EPHA3: variants seen among roughly 807,000 people sequenced by gnomAD.
The protein encoded by EPHA3 is ephrin type-A receptor 3.
In EPHA3, 42 loss-of-function variants were observed where a neutral mutation model predicts 107.1. That is an observed-to-expected ratio of 0.39 (90% confidence interval 0.31 to 0.51). The LOEUF (loss-of-function observed/expected upper bound fraction) is 0.51. Among genes scored for constraint, EPHA3 ranks in the 20% least tolerant of loss-of-function variants. The pLI, the probability that EPHA3 is intolerant of heterozygous loss-of-function variation, is 0.78. For missense variants in EPHA3, 1,183 were observed against 1,211.2 expected, an observed-to-expected ratio of 0.98 and a Z score of 0.35; for synonymous variants, 461 against 424.8, an observed-to-expected ratio of 1.09 and a Z score of -1.05.
At chr3:89,267,401 G>C (rs931113664) in intron 3 of EPHA3, among the ~76,000 whole-genome samples, 1 of 152,090 alleles carries the variant, frequency 6.6e-6, no homozygotes, top group Non-Finnish European at 1.5e-5. Flanking sequence ...GGCTAATTCA[G>C]ATGTTACTCT....
At chr3:89,162,805 G>A (rs1216019066) in intron 2 of EPHA3, among the ~76,000 whole-genome samples, 1 of 152,132 alleles carries the variant, frequency 6.6e-6, no homozygotes, top group African/African-American at 2.4e-5. Context: ...CAAAATCACT[G>A]GATGTGCCAC....
At chr3:89,434,090 TATTATGCCAGAAAA>T (rs1709619978) in intron 13 of EPHA3, among the ~76,000 whole-genome samples, 1 of 152,318 alleles carries the variant, frequency 6.6e-6, no homozygotes, top group East Asian at 1.9e-4. Flanking sequence ...ACAACAATCA[TATTATGCCAGAAAA>T]ATACTTTTAG....
chr3:89,221,668 G>A (rs908406074), intron 3 of EPHA3, among the ~76,000 whole-genome samples: 8 of 152,136 alleles, frequency 5.3e-5, no homozygotes, highest in African/African-American at 1.7e-4. Flanking sequence ...CCTCACCAAA[G>A]CCTTACGAGG....
intron 2 of EPHA3, among the ~76,000 whole-genome samples, chr3:89,191,965 G>A (rs184599346): frequency 6.6e-6 from 1 of 152,228 alleles, no homozygotes; most frequent in African/African-American, 2.4e-5. Context: ...GTCATAAAAT[G>A]GTTAAATAGT....
chr3:89,175,718 C>T (rs1412602025), intron 2 of EPHA3, among the ~76,000 whole-genome samples: 1 of 152,062 alleles, frequency 6.6e-6, no homozygotes, highest in Non-Finnish European at 1.5e-5. Flanking sequence ...AATTAAAATA[C>T]TTCCTAAAAG....
At chr3:89,362,186 C>T (rs756099956) in intron 5 of EPHA3, among the ~76,000 whole-genome samples, 5 of 151,028 alleles carry the variant, frequency 3.3e-5, no homozygotes, top group Admixed American at 6.6e-5. Context: ...GCTATTAATC[C>T]AGAAGATCTT....
At chr3:89,356,424 G>A (rs1707958024) in intron 5 of EPHA3, among the ~76,000 whole-genome samples, 1 of 151,094 alleles carries the variant, frequency 6.6e-6, no homozygotes, top group Non-Finnish European at 1.5e-5. Context: ...CTTCCACAAT[G>A]TTTGGACTAG....
chr3:89,472,577 T>C lies in EPHA3; in HGVS notation c.2804T>C (p.Val935Ala), dbSNP rs760525872. 3 of 1,613,910 alleles carry C rather than the reference T, an allele frequency of 1.9e-6. No homozygotes were observed. The highest frequency in any genetic ancestry group is 2.5e-6 in the Non-Finnish European group (3 of 1,179,832). ...CACTGCAAGGAAATCTTCACGGGTG[T>C]GGAGTACAGTTCTTGTGACACAATA... is the stretch of plus-strand genomic sequence containing the variant. ...TAHCKEIFTG[V>A]EYSSCDTIAK... Residue 935 changes from valine (V) to alanine (A), a missense_variant, in exon 16 of 17, where the codon GTG becomes GCG. Transcript: ENST00000336596.
intron 10 of EPHA3, among the ~76,000 whole-genome samples, chr3:89,418,107 A>C (rs1338425509): frequency 3.3e-5 from 5 of 151,474 alleles, no homozygotes; most frequent in Non-Finnish European, 1.5e-5. Context: ...TAGGGCATGA[A>C]GCTCATAGAA....
chr3:89,188,272 G>A (rs1028270491), intron 2 of EPHA3, among the ~76,000 whole-genome samples: 8 of 152,114 alleles, frequency 5.3e-5, no homozygotes, highest in African/African-American at 7.2e-5. Context: ...TCATAGGCAC[G>A]TGAATGACAC....
intron 2 of EPHA3, among the ~76,000 whole-genome samples, chr3:89,128,681 A>G (rs1361906450): frequency 2.0e-5 from 3 of 149,790 alleles, no homozygotes; most frequent in Non-Finnish European, 3.0e-5. Context: ...CATACTATAT[A>G]CTATATATAC....
intron 16 of EPHA3, among the ~76,000 whole-genome samples, chr3:89,478,454 C>T (rs1309289932): frequency 6.6e-6 from 1 of 152,104 alleles, no homozygotes; most frequent in Non-Finnish European, 1.5e-5. Context: ...CTTACAGCTG[C>T]CAAATGGACT....
chr3:89,395,119 C>G (rs1217472782), intron 5 of EPHA3, among the ~76,000 whole-genome samples: 1 of 152,120 alleles, frequency 6.6e-6, no homozygotes, highest in African/African-American at 2.4e-5. Flanking sequence ...CAAAACATAG[C>G]AAATGTAGAA....
At chr3:89,176,268 G>A (rs1249414127) in intron 2 of EPHA3, among the ~76,000 whole-genome samples, 4 of 151,820 alleles carry the variant, frequency 2.6e-5, no homozygotes, top group Admixed American at 6.6e-5. Context: ...GATCACCTGC[G>A]GTCAGGAGAT....
intron 2 of EPHA3, among the ~76,000 whole-genome samples, chr3:89,187,056 T>C (rs13075931): frequency 0.14 from 21,887 of 151,786 alleles, 1,741 homozygotes; most frequent in African/African-American, 0.22. Context: ...AATAGTAGTA[T>C]ACAGTTTAGA....
intron 4 of EPHA3, 54 bp downstream of exon 4, chr3:89,341,125 T>C (rs1707511491): frequency 6.5e-7 from 1 of 1,549,326 alleles, no homozygotes; most frequent in Admixed American, 1.9e-5. Flanking sequence ...TTTCTTCTTG[T>C]TACTGTGCTG....
At chr3:89,151,969 C>T (rs1329367025) in intron 2 of EPHA3, among the ~76,000 whole-genome samples, 1 of 151,902 alleles carries the variant, frequency 6.6e-6, no homozygotes, top group Non-Finnish European at 1.5e-5. Context: ...TGCAGAATAG[C>T]TTTTTGTTTT....
At chr3:89,164,771 T>C (rs1705027887) in intron 2 of EPHA3, among the ~76,000 whole-genome samples, 1 of 152,218 alleles carries the variant, frequency 6.6e-6, no homozygotes, top group Non-Finnish European at 1.5e-5. Flanking sequence ...GTTAATAGAA[T>C]GTGTGCTGGT....
intron 3 of EPHA3, among the ~76,000 whole-genome samples, chr3:89,332,796 G>A (rs1576316809): frequency 6.6e-6 from 1 of 152,102 alleles, no homozygotes; most frequent in Admixed American, 6.6e-5. Flanking sequence ...AGCCCTGTGT[G>A]GAGGGAGCTA....
Sources: allele counts gnomAD v4.1 joint callset (sites outside exome capture counted in the v4.1 genomes callset), GRCh38; gene constraint gnomAD v4.1.1; transcripts MANE v1.5; gene names NCBI Gene and HGNC (gene_info 2026-07-23, HGNC 2026-07-21).